The following ABCA1 variants were observed in gnomAD, a reference collection of about 807,000 sequenced individuals.
ABCA1 encodes ATP binding cassette subfamily A member 1.
In ABCA1, 133 loss-of-function variants were observed where a neutral mutation model predicts 262.5. That is an observed-to-expected ratio of 0.51 (90% CI 0.44 to 0.59). The LOEUF is 0.59. Among genes scored for constraint, ABCA1 ranks in the 20% least tolerant of loss-of-function variants. The pLI, the probability that ABCA1 is intolerant of heterozygous loss-of-function variation, is 0.00. For missense variants in ABCA1, 2,452 were observed against 2,777.5 expected (o/e 0.88, Z 2.63); for synonymous variants, 1,022 against 1,043.5 (o/e 0.98, Z 0.40).
intron 17 of ABCA1, among the ~76,000 whole-genome samples, chr9:104,825,268 C>T (rs948478090): frequency 3.3e-5 from 5 of 152,184 alleles, no homozygotes; most frequent in African/African-American, 9.6e-5. Flanking sequence ...TGGGAGGATT[C>T]GCCTGGGCTT....
At chr9:104,842,071 C>A (rs1428722122) in intron 8 of ABCA1, among the ~76,000 whole-genome samples, 1 of 152,194 alleles carries the variant, frequency 6.6e-6, no homozygotes, top group Non-Finnish European at 1.5e-5. Context: ...AACCTCACAG[C>A]CTGCTGGTTC....
At chr9:104,876,739 A>C (rs1277323142) in intron 5 of ABCA1, among the ~76,000 whole-genome samples, 4 of 152,196 alleles carry the variant, frequency 2.6e-5, no homozygotes, top group Non-Finnish European at 5.9e-5. Flanking sequence ...TCTGCTTCTC[A>C]GCCCACCTAA....
rs748823432 is a variant in ABCA1, at chr9:104,783,962, T to C, written c.*353A>G. ...CTGGCCATGATTACTTGATGAATTA[T>C]TGTTGCAACCCCAATGAGAATACAC... On this transcript the variant is annotated 3_prime_UTR_variant, in exon 50 of 50. Coordinates refer to ENST00000374736, the MANE Select transcript of ABCA1 (RefSeq NM_005502.4). 16 of 207,832 alleles carry C rather than the reference T, an allele frequency of 7.7e-5. No homozygotes were observed. Among genetic ancestry groups the C allele is most frequent in the Non-Finnish European group, 1.4e-4 (14 of 102,314 alleles). 12.9% of individuals were successfully genotyped at this position (207,832 alleles called of 1,614,324 possible).
At chr9:104,810,740 G>C in intron 29 of ABCA1, 60 bp downstream of exon 29, 1 of 1,613,010 alleles carries the variant, frequency 6.2e-7, no homozygotes, top group Non-Finnish European at 8.5e-7. Context: ...CTTGGCCCTC[G>C]TAAACATCTT....
intron 3 of ABCA1, 53 bp from the exon 4 acceptor site, chr9:104,884,621 G>A: frequency 1.2e-6 from 2 of 1,603,730 alleles, no homozygotes. Context: ...ATTCCCTGAA[G>A]CGATTTTGAG....
Position 104,884,557 on chromosome 9 carries a change from T to C in ABCA1, c.172A>G (p.Asn58Asp), listed in dbSNP as rs1274571289. 1 of 1,614,228 alleles carries C rather than the reference T, an allele frequency of 6.2e-7. No individual in the cohort carries two copies. The highest frequency in any genetic ancestry group is 1.1e-5 in the South Asian group (1 of 91,088). Residue 58 changes from asparagine (N) to aspartate (D), a missense_variant, in exon 4 of 50, where the codon AAT (asparagine) becomes GAT (aspartate). Around this residue, in one of 4 missense-constraint regions of ABCA1, gnomAD observed 1,032 missense variants for 1,089.7 expected, o/e 0.95. Transcript: ENST00000374736. ...GTTCCTGCAGAGGGCATGGCTTTAT[T>C]TGGAAAATGGCCTGTTGAAATCGAG... ...PYEQHECHFP[N>D]KAMPSAGTLP...
chr9:104,809,058 C>G (rs1472021385), intron 30 of ABCA1, among the ~76,000 whole-genome samples: 1 of 152,156 alleles, frequency 6.6e-6, no homozygotes, highest in East Asian at 1.9e-4. Context: ...ATTCATATGC[C>G]ATCTTTTCAG....
intron 19 of ABCA1, 69 bp from the exon 20 acceptor site, chr9:104,821,575 G>A: frequency 6.3e-7 from 1 of 1,584,536 alleles, no homozygotes; most frequent in Non-Finnish European, 8.6e-7. Context: ...GCTCCATTCA[G>A]TCTGCAGAGA....
intron 2 of ABCA1, 43 bp downstream of exon 2, chr9:104,903,571 A>G (rs938458248): frequency 1.9e-6 from 3 of 1,553,182 alleles, no homozygotes; most frequent in East Asian, 2.4e-5. Context: ...AACCACAAAG[A>G]AAAAATGAGA....
At chr9:104,840,902 G>C (rs77865320) in intron 8 of ABCA1, among the ~76,000 whole-genome samples, 4 of 151,340 alleles carry the variant, frequency 2.6e-5, no homozygotes, top group African/African-American at 9.8e-5. Context: ...TCGTTTCACC[G>C]GGATTATCTT....
intron 30 of ABCA1, among the ~76,000 whole-genome samples, chr9:104,807,985 C>A (rs916242515): frequency 6.6e-6 from 1 of 151,578 alleles, no homozygotes; most frequent in Non-Finnish European, 1.5e-5. Flanking sequence ...CTTAAAGCAC[C>A]TGAACTGACC....
intron 2 of ABCA1, among the ~76,000 whole-genome samples, chr9:104,891,364 A>C (rs938746985): frequency 1.3e-5 from 2 of 152,028 alleles, no homozygotes; most frequent in Non-Finnish European, 2.9e-5. Context: ...GTTGGAGACC[A>C]GCCTGGCCAA....
intron 17 of ABCA1, 69 bp downstream of exon 17, chr9:104,825,614 G>T: frequency 1.3e-6 from 2 of 1,525,942 alleles, no homozygotes; most frequent in Non-Finnish European, 1.8e-6. Context: ...GCACTGCAGA[G>T]ATTCTAGCAC....
At chr9:104,913,794 TA>T (rs1182639731) in intron 1 of ABCA1, among the ~76,000 whole-genome samples, 1 of 151,962 alleles carries the variant, frequency 6.6e-6, no homozygotes, top group African/African-American at 2.4e-5. Flanking sequence ...TTATTTTATT[TA>T]TTTATCTATT....
Position 104,784,200 on chromosome 9 carries a change from C to T in ABCA1, c.*115G>A. 1 of 1,322,290 alleles carries T rather than the reference C, an allele frequency of 7.6e-7. No individual in the cohort carries two copies. The highest frequency in any genetic ancestry group is 2.3e-5 in the East Asian group (1 of 43,438). The allele number at this position is 1,322,290 out of a possible 1,614,324, so 81.9% of individuals were successfully genotyped here. A position where few individuals can be genotyped will look rare whatever the true frequency, so the allele number is the denominator to read the frequency against. On this transcript the variant is annotated 3_prime_UTR_variant, in exon 50 of 50. Transcript: ENST00000374736. The stretch of plus-strand genomic sequence containing the variant: ...GCATTGAATAGTATCAGTACAGTAT[C>T]CAGTTTACTTCTTCCCACATCAACT...
In ABCA1 at chr9:104,787,847, A is replaced by G. The variant is rs1255214679; in HGVS notation, c.6204+73T>C. Reference sequence around the variant, plus strand: ...AGCCAATCATACAACAGCCCTGGACATATAGGACTTTTGAACAGTCATGTT... The same window carrying G: ...AGCCAATCATACAACAGCCCTGGACGTATAGGACTTTTGAACAGTCATGTT... On this transcript the variant is annotated intron_variant, in intron 46 of 49. Coordinates refer to ENST00000374736, the MANE Select transcript of ABCA1 (RefSeq NM_005502.4). 3.7e-6 allele frequency: 6 copies of G among 1,613,664 alleles called. No homozygotes were observed. In the African/African-American group the frequency reaches 6.7e-5, roughly 18 times the overall value.
At chr9:104,887,186 G>A (rs1232502467) in intron 3 of ABCA1, among the ~76,000 whole-genome samples, 1 of 152,206 alleles carries the variant, frequency 6.6e-6, no homozygotes, top group Non-Finnish European at 1.5e-5. Flanking sequence ...GCTGAGGCAG[G>A]AGGCTCACTG....
chr9:104,829,114 T>C lies in ABCA1; in HGVS notation c.1917A>G (p.Ser639=), dbSNP rs1305635829. Residue 639 remains serine, a synonymous_variant, in exon 15 of 50, where the codon TCA becomes TCG. Coordinates refer to ENST00000374736, the MANE Select transcript of ABCA1 (RefSeq NM_005502.4). ...DDIFLRVMSR[S]MPLFMTLAWI... is the part of the protein sequence containing the mutation. The stretch of plus-strand genomic sequence containing the variant: ...AGGCCAGCGTCATGAAGAGGGGCAT[T>C]GACCGGCTCATCACCCGCAGAAAGC... 3.7e-6 allele frequency: 6 copies of C among 1,614,046 alleles called. No homozygotes were observed. The highest frequency in any genetic ancestry group is 1.3e-5 in the African/African-American group (1 of 74,900).
intron 30 of ABCA1, among the ~76,000 whole-genome samples, chr9:104,807,353 T>A (rs1383021625): frequency 6.6e-6 from 1 of 152,206 alleles, no homozygotes; most frequent in Non-Finnish European, 1.5e-5. Flanking sequence ...AGCTCTGAAT[T>A]ACTGTGGGAC....
Sources: allele counts gnomAD v4.1 joint callset (sites outside exome capture counted in the v4.1 genomes callset), GRCh38; gene constraint gnomAD v4.1.1; regional missense constraint gnomAD v4.1.1; transcripts MANE v1.5; gene names NCBI Gene and HGNC (gene_info 2026-07-23, HGNC 2026-07-21).